The following TRPC4AP variants were observed in gnomAD, a reference collection of about 807,000 sequenced individuals.
TRPC4AP encodes transient receptor potential cation channel subfamily C member 4 associated protein.
TRPC4AP carries 45 observed loss-of-function variants against 99.0 expected under a neutral mutation model. That is an observed-to-expected ratio of 0.45 (90% confidence interval 0.36 to 0.58). The LOEUF (loss-of-function observed/expected upper bound fraction) is 0.58. TRPC4AP is among the 20% of genes least tolerant of loss of function. The pLI, the probability that TRPC4AP is intolerant of heterozygous loss-of-function variation, is 0.00. For synonymous variants in TRPC4AP, 408 were observed against 385.8 expected (o/e 1.06, Z -0.67); for missense variants, 879 against 985.3 (o/e 0.89, Z 1.44).
chr20:35,088,283 T>C (rs2084942736), intron 1 of TRPC4AP, among the ~76,000 whole-genome samples: 1 of 152,184 alleles, frequency 6.6e-6, no homozygotes, highest in South Asian at 2.1e-4. Flanking sequence ...ATAAACAGAT[T>C]AAATAACTTG....
rs1212137767 is a variant in TRPC4AP, at chr20:35,021,413, G to GC, written c.1052-58dup. On this transcript the variant is annotated intron_variant, in intron 8 of 18. Transcript: ENST00000252015. ...ACAGCTTGTGAGGAAACACGTTTCT[G>GC]CCCCTCGAACCTGCTCTGAACAGAC... 65 of 1,584,910 alleles carry GC rather than the reference G, an allele frequency of 4.1e-5. 1 individual carries two copies. The East Asian group carries it at 1.3e-3, about 33-fold the overall frequency.
chr20:35,046,224 G>C (rs2083559721), intron 6 of TRPC4AP, among the ~76,000 whole-genome samples: 1 of 152,026 alleles, frequency 6.6e-6, no homozygotes, highest in East Asian at 1.9e-4. Flanking sequence ...TAGTTTATAA[G>C]TTTTCCTTCT....
At chr20:35,006,287 G>T in intron 15 of TRPC4AP, 148 bp downstream of exon 15, 1 of 896,064 alleles carries the variant, frequency 1.1e-6, no homozygotes, top group Non-Finnish European at 1.7e-6. Context: ...GCCAGACAGA[G>T]CAGGTTCCAA....
At chr20:35,015,503 C>T (rs865841420) in intron 10 of TRPC4AP, among the ~76,000 whole-genome samples, 6 of 134,104 alleles carry the variant, frequency 4.5e-5, no homozygotes, top group Admixed American at 2.7e-4. Flanking sequence ...CACTTTGTTA[C>T]GCAGGCTGGA....
At chr20:35,024,854 A>AAAAAAAAAAAAAAAAAAT (rs1479270980) in intron 8 of TRPC4AP, among the ~76,000 whole-genome samples, 1 of 89,480 alleles carries the variant, frequency 1.1e-5, no homozygotes, top group African/African-American at 3.9e-5. Flanking sequence ...AAAAAAAAAA[A>AAAAAAAAAAAAAAAAAAT]ATTCTGTTTA....
chr20:35,021,584 A>G (rs201540883), intron 8 of TRPC4AP, among the ~76,000 whole-genome samples: 2 of 152,342 alleles, frequency 1.3e-5, no homozygotes, highest in South Asian at 2.1e-4. Context: ...CAACTTTAAC[A>G]TAAAGTAAAA....
chr20:35,044,832 CCAGCTCTGTAACTTG>C lies in TRPC4AP; in HGVS notation c.658-135_658-121del, dbSNP rs1338368068. ...TGGCTAGATCACTTAGGTTCCTATCCCAGCTCTGTAACTTGCAGCTCTGAAACTTTGGTTAAGTTA... is the reference window on the plus strand; with the variant it reads ...TGGCTAGATCACTTAGGTTCCTATCCCAGCTCTGAAACTTTGGTTAAGTTA... On this transcript the variant is annotated intron_variant, in intron 6 of 18. Coordinates refer to ENST00000252015, the MANE Select transcript of TRPC4AP (RefSeq NM_015638.3). 17 of 898,362 alleles carry C rather than the reference CCAGCTCTGTAACTTG, an allele frequency of 1.9e-5. No homozygotes were observed. The East Asian group carries it at 4.1e-4, about 22-fold the overall frequency. The allele number at this position is 898,362 out of a possible 1,614,324, so 55.6% of individuals were successfully genotyped here. A position where few individuals can be genotyped will look rare whatever the true frequency, so the allele number is the denominator to read the frequency against.
chr20:35,049,138 A>T (rs889859802), intron 6 of TRPC4AP, among the ~76,000 whole-genome samples: 3 of 152,206 alleles, frequency 2.0e-5, no homozygotes, highest in Non-Finnish European at 4.4e-5. Flanking sequence ...TCCAGGTCCT[A>T]ACAAGCATTA....
chr20:35,044,080 G>GATCC (rs2083500616), intron 7 of TRPC4AP, among the ~76,000 whole-genome samples: 1 of 152,056 alleles, frequency 6.6e-6, no homozygotes, highest in Non-Finnish European at 1.5e-5. Flanking sequence ...CCTTCACATG[G>GATCC]ATCCATCTCT....
At chr20:35,023,019 T>G (rs6120798) in intron 8 of TRPC4AP, among the ~76,000 whole-genome samples, 27,719 of 129,402 alleles carry the variant, frequency 0.21, 2,654 homozygotes, top group Middle Eastern at 0.37. Flanking sequence ...AGAGCTGGAC[T>G]GTCTCAAAAA....
chr20:35,009,599 C>T (rs1443593247), intron 12 of TRPC4AP, among the ~76,000 whole-genome samples: 1 of 152,204 alleles, frequency 6.6e-6, no homozygotes, highest in Non-Finnish European at 1.5e-5. Context: ...TGAGCTATAA[C>T]ACCACTGCTC....
intron 1 of TRPC4AP, among the ~76,000 whole-genome samples, chr20:35,078,882 G>A (rs1263909686): frequency 2.6e-5 from 4 of 152,224 alleles, no homozygotes; most frequent in Non-Finnish European, 4.4e-5. Flanking sequence ...CCTGGCTAAC[G>A]TGATAAAACC....
intron 9 of TRPC4AP, among the ~76,000 whole-genome samples, chr20:35,020,392 G>A (rs190914770): frequency 8.3e-4 from 126 of 152,252 alleles, no homozygotes; most frequent in African/African-American, 2.6e-3. Flanking sequence ...GTTTGCTCCA[G>A]GCTGTCCCGC....
chr20:35,088,812 T>C (rs751811785), intron 1 of TRPC4AP, among the ~76,000 whole-genome samples: 1 of 152,272 alleles, frequency 6.6e-6, no homozygotes, highest in African/African-American at 2.4e-5. Context: ...GAGGACATTA[T>C]GTTAAGTAAA....
chr20:35,026,237 GAC>G (rs2083028175), intron 8 of TRPC4AP, among the ~76,000 whole-genome samples: 1 of 146,076 alleles, frequency 6.8e-6, no homozygotes, highest in South Asian at 2.2e-4. Context: ...TTTTTTTTGA[GAC>G]AGAGTCTTGC....
Position 35,004,604 on chromosome 20 carries a change from C to A in TRPC4AP, c.1937-34G>T, listed in dbSNP as rs202055388. On this transcript the variant is annotated intron_variant, in intron 16 of 18. Transcript: ENST00000252015. ...GGAGGCAGGGGTGCAGCAGGTCAGG[C>A]TTAGGCCCAGTGGCTGGGTCGCCCA... 4.4e-6 allele frequency: 7 copies of A among 1,596,020 alleles called. No individual in the cohort carries two copies. The Admixed American group carries it at 1.2e-4, about 27-fold the overall frequency.
At chr20:35,018,547 GGTCAT>G (rs1234423488) in intron 9 of TRPC4AP, among the ~76,000 whole-genome samples, 1 of 142,066 alleles carries the variant, frequency 7.0e-6, no homozygotes, top group African/African-American at 2.6e-5. Flanking sequence ...AGTGAGCCGA[GGTCAT>G]GTCACTGCAC....
rs2082602362 is a variant in TRPC4AP at position 35,010,210 on chromosome 20, C to T, written c.1488G>A (p.Val496=). Residue 496 remains valine, a synonymous_variant, in exon 12 of 19, where the codon GTG becomes GTA. Coordinates refer to ENST00000252015, the MANE Select transcript of TRPC4AP (RefSeq NM_015638.3). ...ACCTGTCGGTGTTGAGGACAGCTTC[C>T]ACCTCAGGGATGTTGGCCTTGAGAG... ...AISLKANIPE[V]EAVLNTDRSL... 1 of 1,614,182 alleles carries T rather than the reference C, an allele frequency of 6.2e-7. No individual in the cohort carries two copies. The highest frequency in any genetic ancestry group is 8.5e-7 in the Non-Finnish European group (1 of 1,180,030).
intron 3 of TRPC4AP, among the ~76,000 whole-genome samples, chr20:35,058,351 A>G (rs2083893684): frequency 6.6e-6 from 1 of 152,244 alleles, no homozygotes; most frequent in Admixed American, 6.5e-5. Context: ...AGAACAGAGT[A>G]TACATTCTAC....
Sources: gnomAD v4.1 joint callset for allele counts (sites outside exome capture counted in the v4.1 genomes callset) on GRCh38, gnomAD v4.1.1 for gene constraint, MANE v1.5 for transcripts, NCBI Gene and HGNC (gene_info 2026-07-23, HGNC 2026-07-21) for gene names.